WDR72: variants seen among roughly 807,000 people sequenced by gnomAD.
WDR72 encodes the protein WD repeat-containing protein 72.
WDR72 carries 120 observed loss-of-function variants against 124.2 expected under a neutral mutation model. That is an observed-to-expected ratio of 0.97 (90% CI 0.83 to 1.12). WDR72 has a LOEUF of 1.12. Ranked by LOEUF, WDR72 falls within the 50% of genes most tolerant of loss-of-function variation. WDR72 has a pLI of 0.00. For synonymous variants in WDR72, 452 were observed against 441.7 expected, an observed-to-expected ratio of 1.02 and a Z score of -0.29; for missense variants, 1,387 against 1,278.8, an observed-to-expected ratio of 1.08 and a Z score of -1.29.
intron 13 of WDR72, among the ~76,000 whole-genome samples, chr15:53,685,434 C>T (rs201275031): frequency 0.46 from 49,062 of 106,438 alleles, 12,035 homozygotes; most frequent in East Asian, 0.69. Flanking sequence ...CAGGAGCCGA[C>T]GCGATCAACT....
chr15:53,570,832 G>C (rs115589462), intron 18 of WDR72, among the ~76,000 whole-genome samples: 1,610 of 152,134 alleles, frequency 0.011, 35 homozygotes, highest in African/African-American at 0.037. Flanking sequence ...ATGATCCCAG[G>C]TGCCCATCAA....
intron 2 of WDR72, among the ~76,000 whole-genome samples, chr15:53,723,867 C>T (rs1395120888): frequency 6.6e-6 from 1 of 152,090 alleles, no homozygotes; most frequent in Non-Finnish European, 1.5e-5. Flanking sequence ...AGATGCAATC[C>T]TCTTTTCTTT....
intron 18 of WDR72, among the ~76,000 whole-genome samples, chr15:53,564,314 T>G (rs1353066879): frequency 2.6e-5 from 4 of 151,876 alleles, no homozygotes; most frequent in Non-Finnish European, 5.9e-5. Flanking sequence ...TGTCAACTGT[T>G]TCTCATAATT....
chr15:53,758,772 G>A (rs1403474895), intron 1 of WDR72, among the ~76,000 whole-genome samples: 1 of 115,788 alleles, frequency 8.6e-6, no homozygotes, highest in African/African-American at 3.2e-5. Context: ...AAACTGCGGG[G>A]GGGGGGGGGG....
chr15:53,705,381 G>A (rs564415033), intron 10 of WDR72, 148 bp from the exon 11 acceptor site: 11 of 719,166 alleles, frequency 1.5e-5, no homozygotes, highest in Admixed American at 4.5e-5. Context: ...CTCTTGGGAA[G>A]TTCAATTGAT....
intron 18 of WDR72, among the ~76,000 whole-genome samples, chr15:53,594,945 A>C (rs886120029): frequency 2.0e-5 from 3 of 152,172 alleles, no homozygotes; most frequent in Non-Finnish European, 2.9e-5. Flanking sequence ...ATGAAATATA[A>C]TACTACTTGG....
At chr15:53,707,742 G>A (rs28465141) in intron 9 of WDR72, among the ~76,000 whole-genome samples, 6,546 of 152,164 alleles carry the variant, frequency 0.043, 497 homozygotes, top group African/African-American at 0.15. Flanking sequence ...CACTGCGCCC[G>A]GCCAATAAAT....
At chr15:53,529,236 G>C (rs1172598686) in intron 18 of WDR72, among the ~76,000 whole-genome samples, 1 of 148,160 alleles carries the variant, frequency 6.7e-6, no homozygotes, top group South Asian at 2.1e-4. Flanking sequence ...CCCAGAGAGG[G>C]AATGTGTTGT....
intron 14 of WDR72, among the ~76,000 whole-genome samples, chr15:53,657,800 A>G (rs565126607): frequency 3.3e-5 from 5 of 152,336 alleles, no homozygotes; most frequent in African/African-American, 9.6e-5. Context: ...CTCTGGTAGA[A>G]ATCACGGTTG....
At chr15:53,724,219 C>T (rs2017955912) in intron 2 of WDR72, among the ~76,000 whole-genome samples, 1 of 152,160 alleles carries the variant, frequency 6.6e-6, no homozygotes, top group South Asian at 2.1e-4. Flanking sequence ...GTTTTGGGAT[C>T]TAATGTACAC....
intron 2 of WDR72, among the ~76,000 whole-genome samples, chr15:53,730,359 A>G (rs690477): frequency 0.062 from 9,404 of 152,216 alleles, 996 homozygotes; most frequent in African/African-American, 0.21. Context: ...ACAAATTCCT[A>G]TTTACAAGTC....
chr15:53,646,827 G>T (rs689845), intron 14 of WDR72, among the ~76,000 whole-genome samples: 4 of 152,020 alleles, frequency 2.6e-5, no homozygotes, highest in African/African-American at 9.7e-5. Flanking sequence ...GGCAAGGAAA[G>T]TAAGGTATGG....
chr15:53,623,494 TAC>T (rs1300842803), intron 14 of WDR72, among the ~76,000 whole-genome samples: 3 of 150,336 alleles, frequency 2.0e-5, no homozygotes, highest in Non-Finnish European at 4.4e-5. Flanking sequence ...TATATATATA[TAC>T]ACACATACAC....
At chr15:53,702,918 G>A (rs1394730505) in intron 11 of WDR72, among the ~76,000 whole-genome samples, 1 of 100,554 alleles carries the variant, frequency 9.9e-6, no homozygotes, top group African/African-American at 3.9e-5. Flanking sequence ...TTTTTTTTTT[G>A]AGACAGGGTC....
intron 18 of WDR72, among the ~76,000 whole-genome samples, chr15:53,565,820 T>A (rs1256411662): frequency 6.6e-6 from 1 of 151,868 alleles, no homozygotes; most frequent in Non-Finnish European, 1.5e-5. Context: ...AATATGTTGG[T>A]AGATTCTGAA....
At chr15:53,723,484 T>A (rs1253309493) in intron 2 of WDR72, among the ~76,000 whole-genome samples, 1 of 152,202 alleles carries the variant, frequency 6.6e-6, no homozygotes, top group Non-Finnish European at 1.5e-5. Context: ...CAGAGAGGTA[T>A]CTGTACCCCC....
intron 18 of WDR72, among the ~76,000 whole-genome samples, chr15:53,550,687 T>C (rs1893692668): frequency 6.6e-6 from 1 of 152,212 alleles, no homozygotes; most frequent in African/African-American, 2.4e-5. Context: ...TGTATAACAT[T>C]AGAGACTTGC....
chr15:53,544,716 C>G lies in WDR72; in HGVS notation c.3149-21394G>C, dbSNP rs1381687713. Among the ~76,000 whole-genome samples the G allele has an allele frequency of 2.0e-5, 3 of 146,540 alleles. No homozygotes were observed. The East Asian group carries it at 5.9e-4, about 29-fold the overall frequency. On this transcript the variant is annotated intron_variant, in intron 18 of 19. Transcript: ENST00000360509. ...GTATTCAATTAGGAAAAGAGGAAGT[C>G]AAATTGTCCCTGTTTGCAGACGACA...
Position 53,726,268 on chromosome 15 carries a change from A to G in WDR72, c.154-3360T>C, listed in dbSNP as rs376985346. 1.1e-3 allele frequency among the ~76,000 whole-genome samples: 104 copies of G among 92,366 alleles called. 3 individuals carry two copies. Among genetic ancestry groups the G allele is most frequent in the South Asian group, 2.8e-3 (9 of 3,256 alleles). 60.6% of individuals were successfully genotyped at this position (92,366 alleles called of 152,430 possible). A position where few individuals can be genotyped will look rare whatever the true frequency, so the allele number is the denominator to read the frequency against. ...TGTATATATATATGTATGTGTGTAT[A>G]TATATATATATATATATACACACAC... On this transcript the variant is annotated intron_variant, in intron 2 of 19. Coordinates refer to ENST00000360509, the MANE Select transcript of WDR72 (RefSeq NM_182758.4).
Sources: allele counts gnomAD v4.1 joint callset (sites outside exome capture counted in the v4.1 genomes callset), GRCh38; gene constraint gnomAD v4.1.1; transcripts MANE v1.5; gene names NCBI Gene and HGNC (gene_info 2026-07-23, HGNC 2026-07-21).